The following GPATCH8 variants were observed in gnomAD, a reference collection of about 807,000 sequenced individuals.
GPATCH8 encodes the protein G patch domain-containing protein 8.
In GPATCH8, 18 loss-of-function variants were observed where a neutral mutation model predicts 118.3. The ratio of observed to expected loss-of-function variants is 0.15; its 90% confidence interval spans 0.11 to 0.23. The LOEUF (loss-of-function observed/expected upper bound fraction) is 0.23. GPATCH8 is among the 10% of genes least tolerant of loss of function. The pLI is 1.00. For synonymous variants in GPATCH8, 659 were observed against 684.7 expected (o/e 0.96, Z 0.59); for missense variants, 1,631 against 1,873.8 (o/e 0.87, Z 2.39).
At chr17:44,411,997 A>G (rs1199333809) in intron 6 of GPATCH8, among the ~76,000 whole-genome samples, 2 of 152,280 alleles carry the variant, frequency 1.3e-5, no homozygotes, top group East Asian at 3.9e-4. Context: ...ATCTCAGCTC[A>G]CCGCAACCTC....
In GPATCH8 at chr17:44,401,036, T is replaced by C; in HGVS notation, c.1041A>G (p.Gly347=). ...CAAGATTACTGCTCCCATCAGAGTC[T>C]CCTACCTTCTGCAGTCCTTGGTCAG... ...KSSDQGLQKV[G]DSDGSSNLDG... Residue 347 remains glycine (G), a synonymous_variant, in exon 8 of 8, where the codon GGA becomes GGG. Coordinates refer to ENST00000591680, the MANE Select transcript of GPATCH8 (RefSeq NM_001002909.4). 1 of 1,614,164 alleles carries C rather than the reference T, an allele frequency of 6.2e-7. No homozygotes were observed. Among genetic ancestry groups the C allele is most frequent in the Non-Finnish European group, 8.5e-7 (1 of 1,180,000 alleles).
Position 44,398,526 on chromosome 17 carries a change from C to A in GPATCH8, c.3551G>T (p.Ser1184Ile), listed in dbSNP as rs139058994. ...QSETEEGPPGSSDALFGHQFP... is the reference protein window; with the variant it reads ...QSETEEGPPGISDALFGHQFP... ...CTGATGCCCAAATAGGGCATCACTA[C>A]TCCCTGGGGGCCCCTCTTCTGTCTC... Residue 1184 changes from serine (S) to isoleucine (I), a missense_variant, in exon 8 of 8, where the codon AGT becomes ATT. Transcript: ENST00000591680. 3.8e-6 allele frequency: 6 copies of A among 1,596,802 alleles called. No homozygotes were observed. The African/African-American group carries it at 8.1e-5, about 21-fold the overall frequency.
At chr17:44,437,119 G>A (rs1261260424) in intron 3 of GPATCH8, among the ~76,000 whole-genome samples, 1 of 152,168 alleles carries the variant, frequency 6.6e-6, no homozygotes. Flanking sequence ...TAATGGGGCT[G>A]TGAAAAGTTT....
intron 1 of GPATCH8, among the ~76,000 whole-genome samples, chr17:44,479,923 C>T (rs944946865): frequency 1.3e-5 from 2 of 150,762 alleles, no homozygotes; most frequent in African/African-American, 2.4e-5. Flanking sequence ...GCCGAGACTG[C>T]GCCACTGCAC....
At chr17:44,430,739 T>G (rs1468032779) in intron 5 of GPATCH8, among the ~76,000 whole-genome samples, 1 of 151,450 alleles carries the variant, frequency 6.6e-6, no homozygotes, top group Non-Finnish European at 1.5e-5. Flanking sequence ...GCCTCCTGGG[T>G]TCAAGCGATT....
In GPATCH8 at chr17:44,399,937, G is replaced by A; in HGVS notation, c.2140C>T (p.Arg714Ter). 3 of 1,613,930 alleles carry A rather than the reference G, an allele frequency of 1.9e-6. No individual in the cohort carries two copies. Among genetic ancestry groups the A allele is most frequent in the Non-Finnish European group, 2.5e-6 (3 of 1,179,980 alleles). ...GATGACTTATTCTTCTTTCGTTTTC[G>A]TTTCTTGCGCTTCTTAGATTTCTCC... is the stretch of plus-strand genomic sequence containing the variant. ...SGEKSKKRKK[R>*]KRKKNKSSAP... Residue 714 changes from arginine to a stop codon, truncating the protein, a stop_gained, in exon 8 of 8, where the codon CGA becomes TGA. Coordinates refer to ENST00000591680, the MANE Select transcript of GPATCH8 (RefSeq NM_001002909.4). LOFTEE classifies it high-confidence loss of function.
At position 44,464,543 on chromosome 17, in the gene GPATCH8, T is replaced by C; in HGVS notation, c.122A>G (p.Asp41Gly). 1 of 1,585,570 alleles carries C rather than the reference T, an allele frequency of 6.3e-7. No homozygotes were observed. Residue 41 changes from aspartate to glycine, a missense_variant and splice_region_variant, in exon 3 of 8, where the codon GAT (aspartate) becomes GGT (glycine). Coordinates refer to ENST00000591680, the MANE Select transcript of GPATCH8 (RefSeq NM_001002909.4). ...CTGGAGTAAGCGGTGTCCAATATTATCCTGACAGACAGAACAGAGAGACAA... is the reference window on the plus strand; with the variant it reads ...CTGGAGTAAGCGGTGTCCAATATTACCCTGACAGACAGAACAGAGAGACAA... ...QASLDKPIES[D>G]NIGHRLLQKH...
intron 3 of GPATCH8, among the ~76,000 whole-genome samples, chr17:44,451,553 T>C (rs143127883): frequency 1.3e-5 from 2 of 152,266 alleles, no homozygotes; most frequent in African/African-American, 4.8e-5. Context: ...TTATACAAGA[T>C]TGAATATTTA....
chr17:44,418,301 T>C (rs1027322698), intron 6 of GPATCH8, among the ~76,000 whole-genome samples: 2 of 152,142 alleles, frequency 1.3e-5, no homozygotes, highest in Non-Finnish European at 2.9e-5. Context: ...CTAAAGAAAA[T>C]GATTCTACTG....
At chr17:44,431,733 C>T (rs1021053197) in intron 5 of GPATCH8, among the ~76,000 whole-genome samples, 1 of 151,810 alleles carries the variant, frequency 6.6e-6, no homozygotes. Flanking sequence ...GAGTTTGAGA[C>T]CAGCCTGGGC....
intron 1 of GPATCH8, among the ~76,000 whole-genome samples, chr17:44,481,940 G>A (rs1968282158): frequency 6.6e-6 from 1 of 152,004 alleles, no homozygotes; most frequent in South Asian, 2.1e-4. Context: ...TGGCCAACAT[G>A]GAGAAACCCC....
At chr17:44,401,990 C>G (rs1410651633) in intron 7 of GPATCH8, among the ~76,000 whole-genome samples, 1 of 145,148 alleles carries the variant, frequency 6.9e-6, no homozygotes, top group Non-Finnish European at 1.5e-5. Flanking sequence ...GGTGACAGAG[C>G]GAGACTCCCT....
rs1969542890 is a variant in GPATCH8, at chr17:44,494,852, T to C, written c.45+8474A>G. Among the ~76,000 whole-genome samples the C allele has an allele frequency of 3.3e-5, 5 of 152,210 alleles. No homozygotes were observed. The South Asian group carries it at 1.0e-3, about 31-fold the overall frequency. On this transcript the variant is annotated intron_variant, in intron 1 of 7. Transcript: ENST00000591680. ...GCTTACAGCATTAAAATAAAATTTA[T>C]CTTTGCAGCCCTAGTCTTCACTTTT...
chr17:44,450,485 T>C (rs552959491), intron 3 of GPATCH8, among the ~76,000 whole-genome samples: 2 of 152,282 alleles, frequency 1.3e-5, no homozygotes, highest in South Asian at 4.1e-4. Flanking sequence ...TTGAACCAAA[T>C]GGGATTTACA....
chr17:44,491,482 G>A (rs1005867433), intron 1 of GPATCH8, among the ~76,000 whole-genome samples: 5 of 122,166 alleles, frequency 4.1e-5, no homozygotes, highest in Admixed American at 1.9e-4. Context: ...GCGAGACTCC[G>A]TCTCAAAAAA....
At chr17:44,468,175 G>A (rs947658809) in intron 2 of GPATCH8, among the ~76,000 whole-genome samples, 1 of 151,506 alleles carries the variant, frequency 6.6e-6, no homozygotes, top group East Asian at 1.9e-4. Flanking sequence ...GTTTCACCAC[G>A]TTGGCCAGGC....
chr17:44,429,395 A>C (rs893986197), intron 5 of GPATCH8, among the ~76,000 whole-genome samples: 22 of 152,180 alleles, frequency 1.4e-4, no homozygotes, highest in African/African-American at 4.6e-4. Context: ...TATTCCTTGA[A>C]CACAGGTTTA....
intron 1 of GPATCH8, among the ~76,000 whole-genome samples, chr17:44,485,775 C>G (rs576216327): frequency 2.0e-5 from 3 of 152,296 alleles, no homozygotes; most frequent in African/African-American, 7.2e-5. Flanking sequence ...CGTTATGGTA[C>G]TTGTACTGTG....
At position 44,395,596 on chromosome 17, in the gene GPATCH8, C is replaced by T. The variant is rs552848418; in HGVS notation, c.*1972G>A. Reference sequence around the variant, plus strand: ...ACTTACACAGATGATTTCATTTTTCCAGTGCTAGTTATCCAAGAAGTGATG... The same window carrying T: ...ACTTACACAGATGATTTCATTTTTCTAGTGCTAGTTATCCAAGAAGTGATG... On this transcript the variant is annotated 3_prime_UTR_variant, in exon 8 of 8. Coordinates refer to ENST00000591680, the MANE Select transcript of GPATCH8 (RefSeq NM_001002909.4). The T allele has an allele frequency of 1.1e-5, 5 of 454,226 alleles. No individual in the cohort carries two copies. The East Asian group carries it at 3.5e-4, about 32-fold the overall frequency. The allele number at this position is 454,226 out of a possible 1,614,324, so 28.1% of individuals were successfully genotyped here.
Sources: gnomAD v4.1 joint callset for allele counts (sites outside exome capture counted in the v4.1 genomes callset) on GRCh38, gnomAD v4.1.1 for gene constraint, MANE v1.5 for transcripts, NCBI Gene and HGNC (gene_info 2026-07-23, HGNC 2026-07-21) for gene names.